The following SNX29 variants were observed in gnomAD, a reference collection of about 807,000 sequenced individuals.
SNX29 encodes the protein sorting nexin-29.
In SNX29, 78 loss-of-function variants were observed where a neutral mutation model predicts 102.1. The ratio of observed to expected loss-of-function variants is 0.76; its 90% CI spans 0.64 to 0.92. SNX29 has a LOEUF of 0.92. SNX29 is among the 40% of genes least tolerant of loss of function. The pLI is 0.00. For synonymous variants in SNX29, 580 were observed against 414.5 expected (o/e 1.40, Z -4.85); for missense variants, 1,280 against 1,061.7 (o/e 1.21, Z -2.86).
intron 19 of SNX29, among the ~76,000 whole-genome samples, chr16:12,484,042 G>A (rs747766754): frequency 7.2e-5 from 11 of 152,220 alleles, no homozygotes; most frequent in Non-Finnish European, 1.6e-4. Context: ...TAAGAGCACA[G>A]CTTCACCCAT....
chr16:12,243,092 G>C (rs978770500), intron 14 of SNX29, among the ~76,000 whole-genome samples: 2 of 152,222 alleles, frequency 1.3e-5, no homozygotes, highest in East Asian at 3.8e-4. Context: ...TGGAATAATG[G>C]AACTGTGGGT....
At chr16:12,439,002 A>G (rs1368134864) in intron 18 of SNX29, among the ~76,000 whole-genome samples, 1 of 152,166 alleles carries the variant, frequency 6.6e-6, no homozygotes, top group Non-Finnish European at 1.5e-5. Flanking sequence ...CATGTAGACC[A>G]TTGTCTTCCA....
At chr16:12,283,388 T>G (rs566612724) in intron 15 of SNX29, among the ~76,000 whole-genome samples, 1 of 151,816 alleles carries the variant, frequency 6.6e-6, no homozygotes, top group African/African-American at 2.4e-5. Flanking sequence ...GGCGTGATCT[T>G]GGCTCACTGC....
At chr16:12,046,233 G>A (rs1397023316) in intron 5 of SNX29, 151 bp from the exon 6 acceptor site, 1 of 715,080 alleles carries the variant, frequency 1.4e-6, no homozygotes, top group Admixed American at 2.3e-5. Flanking sequence ...GTAACCAGAA[G>A]CTGTAAACCA....
chr16:12,274,770 C>T (rs1022865666), intron 14 of SNX29, among the ~76,000 whole-genome samples: 2 of 152,078 alleles, frequency 1.3e-5, no homozygotes, highest in Admixed American at 6.6e-5. Flanking sequence ...TTTTGTTATT[C>T]GTTGCCTCTA....
chr16:12,198,727 G>A (rs1370909843), intron 13 of SNX29, among the ~76,000 whole-genome samples: 2 of 152,214 alleles, frequency 1.3e-5, no homozygotes, highest in East Asian at 1.9e-4. Flanking sequence ...TTTTACTGGC[G>A]ACCTTGGTCA....
chr16:12,353,982 C>T (rs1235435081), intron 15 of SNX29, among the ~76,000 whole-genome samples: 1 of 152,104 alleles, frequency 6.6e-6, no homozygotes, highest in Non-Finnish European at 1.5e-5. Flanking sequence ...GATGAGAACC[C>T]ATAAGTGCCC....
At chr16:12,530,975 A>G (rs376749205) in intron 20 of SNX29, among the ~76,000 whole-genome samples, 2 of 152,186 alleles carry the variant, frequency 1.3e-5, no homozygotes, top group East Asian at 1.9e-4. Flanking sequence ...AGGTTTCCAG[A>G]TTTTTCTCCC....
At position 12,002,661 on chromosome 16, in the gene SNX29, C is replaced by G. The variant is rs558693607; in HGVS notation, c.70-330C>G. On this transcript the variant is annotated intron_variant, in intron 2 of 20. Coordinates refer to ENST00000566228, the MANE Select transcript of SNX29 (RefSeq NM_032167.5). ...CCCGTGAAGAGCTGTGTGTGGTAGA[C>G]AGTCAGCTGCCGACAGGCAGGAGCA... 5.3e-5 allele frequency among the ~76,000 whole-genome samples: 8 copies of G among 152,308 alleles called. No individual in the cohort carries two copies. The East Asian group carries it at 1.3e-3, about 26-fold the overall frequency.
rs967265760 is a variant in SNX29, at chr16:12,052,363, C to G, written c.1124+141C>G. Reference sequence around the variant, plus strand: ...TCCCGAGTAGCTGGGATTACAGGCACCTGTCACCACACCCAGCTAATTTTT... The same window carrying G: ...TCCCGAGTAGCTGGGATTACAGGCAGCTGTCACCACACCCAGCTAATTTTT... On this transcript the variant is annotated intron_variant, in intron 8 of 20. Transcript: ENST00000566228. 1.2e-4 allele frequency: 103 copies of G among 831,930 alleles called. No individual in the cohort carries two copies. In the African/African-American group the frequency reaches 1.6e-3, roughly 13 times the overall value. The allele number at this position is 831,930 out of a possible 1,614,324, so 51.5% of individuals were successfully genotyped here. A position where few individuals can be genotyped will look rare whatever the true frequency, so the allele number is the denominator to read the frequency against.
At chr16:12,559,242 C>A (rs966098046) in intron 20 of SNX29, among the ~76,000 whole-genome samples, 1 of 152,116 alleles carries the variant, frequency 6.6e-6, no homozygotes, top group African/African-American at 2.4e-5. Context: ...CCATCACTCG[C>A]ATCACCGCCT....
At chr16:12,558,813 C>A (rs538704327) in intron 20 of SNX29, among the ~76,000 whole-genome samples, 1 of 152,190 alleles carries the variant, frequency 6.6e-6, no homozygotes, top group African/African-American at 2.4e-5. Context: ...ATAAGGGCTC[C>A]CTAGGGGCAG....
At chr16:12,472,483 C>T (rs1448429923) in intron 18 of SNX29, among the ~76,000 whole-genome samples, 1 of 140,252 alleles carries the variant, frequency 7.1e-6, no homozygotes, top group South Asian at 2.2e-4. Flanking sequence ...CATGCCACTG[C>T]ACTTCAGCCT....
chr16:12,170,602 G>C (rs987681074), intron 13 of SNX29, among the ~76,000 whole-genome samples: 1 of 151,962 alleles, frequency 6.6e-6, no homozygotes, highest in South Asian at 2.1e-4. Context: ...GACATGGGAC[G>C]GAGGCTTCTG....
chr16:12,201,072 G>C (rs1024890955), intron 14 of SNX29, among the ~76,000 whole-genome samples: 1 of 152,086 alleles, frequency 6.6e-6, no homozygotes, highest in African/African-American at 2.4e-5. Flanking sequence ...ATTTCTTTTG[G>C]TTACTGTTTG....
chr16:12,235,823 G>A (rs974836173), intron 14 of SNX29, among the ~76,000 whole-genome samples: 1 of 151,388 alleles, frequency 6.6e-6, no homozygotes, highest in African/African-American at 2.5e-5. Context: ...GTGTATGTGT[G>A]TGTGTGCTTG....
At chr16:11,977,033 A>C in intron 1 of SNX29, 1 of 461,484 alleles carries the variant, frequency 2.2e-6, no homozygotes. Flanking sequence ...TGGTCTCCTG[A>C]CTCCTGTCCA....
At chr16:12,136,424 T>C (rs77239463) in intron 13 of SNX29, among the ~76,000 whole-genome samples, 8,295 of 152,318 alleles carry the variant, frequency 0.054, 272 homozygotes, top group East Asian at 0.17. Context: ...TCCCCACTGA[T>C]GCTAACATGC....
intron 19 of SNX29, among the ~76,000 whole-genome samples, chr16:12,499,085 AT>A (rs2088977161): frequency 6.6e-6 from 1 of 151,970 alleles, no homozygotes; most frequent in Non-Finnish European, 1.5e-5. Context: ...CCTTCCCCTT[AT>A]GCCCTCCGCT....
Sources: allele counts gnomAD v4.1 joint callset (sites outside exome capture counted in the v4.1 genomes callset), GRCh38; gene constraint gnomAD v4.1.1; transcripts MANE v1.5; gene names NCBI Gene and HGNC (gene_info 2026-07-23, HGNC 2026-07-21).